Variants in GTPBP10 observed in about 807,000 individuals in gnomAD.
GTPBP10 encodes the protein GTP-binding protein 10.
Under a neutral mutation model 44.8 loss-of-function variants are expected in GTPBP10, and 38 were observed. The ratio of observed to expected loss-of-function variants is 0.85; its 90% confidence interval spans 0.65 to 1.11. The LOEUF (loss-of-function observed/expected upper bound fraction) is 1.11. GTPBP10 is among the 50% of genes most tolerant of loss of function. The pLI is 0.00. For synonymous variants in GTPBP10, 152 were observed against 150.6 expected, an observed-to-expected ratio of 1.01 and a Z score of -0.07; for missense variants, 462 against 453.7, an observed-to-expected ratio of 1.02 and a Z score of -0.17.
rs1488041858 is a variant in GTPBP10, at chr7:90,387,226, C to CTCGGGAGGCTGAGGCAGGAGAATCGCTTG, written c.*2073_*2101dup. 6 of 152,138 alleles carry CTCGGGAGGCTGAGGCAGGAGAATCGCTTG rather than the reference C, an allele frequency of 3.9e-5. No homozygotes were observed. Among genetic ancestry groups the CTCGGGAGGCTGAGGCAGGAGAATCGCTTG allele is most frequent in the Admixed American group, 2.0e-4 (3 of 15,266 alleles). 9.4% of individuals were successfully genotyped at this position (152,138 alleles called of 1,614,324 possible). A position where few individuals can be genotyped will look rare whatever the true frequency, so the allele number is the denominator to read the frequency against. ...TGGCGCATGTCTGTAATCCCAGCTA[C>CTCGGGAGGCTGAGGCAGGAGAATCGCTTG]TCGGGAGGCTGAGGCAGGAGAATCG... On this transcript the variant is annotated 3_prime_UTR_variant, in exon 10 of 10. Transcript: ENST00000222511.
intron 4 of GTPBP10, among the ~76,000 whole-genome samples, chr7:90,361,509 T>G (rs997192085): frequency 2.6e-5 from 4 of 152,206 alleles, no homozygotes; most frequent in Non-Finnish European, 5.9e-5. Context: ...GATAAGCTTT[T>G]TGATGTGCTG....
intron 4 of GTPBP10, among the ~76,000 whole-genome samples, chr7:90,365,880 G>T (rs543385279): frequency 2.0e-5 from 3 of 152,162 alleles, no homozygotes; most frequent in Non-Finnish European, 4.4e-5. Context: ...TTCTTATTCC[G>T]TATGAGATTG....
intron 8 of GTPBP10, among the ~76,000 whole-genome samples, chr7:90,380,210 C>G (rs984225111): frequency 1.3e-5 from 2 of 151,724 alleles, no homozygotes; most frequent in African/African-American, 2.4e-5. Flanking sequence ...TCCCCAGTAG[C>G]TGGGATTACA....
intron 1 of GTPBP10, among the ~76,000 whole-genome samples, chr7:90,347,084 TC>T (rs1247897845): frequency 6.6e-6 from 1 of 152,160 alleles, no homozygotes; most frequent in Non-Finnish European, 1.5e-5. Context: ...TGGTTTTTTT[TC>T]CTTTAATGTC....
rs185326205 is a variant in GTPBP10 at position 90,378,292 on chromosome 7, T to C, written c.777+81T>C. Reference sequence around the variant, plus strand: ...ACTATATGAAATAACATAATTACAGTCTATACATACTCCACCTTTAAAGCT... The same window carrying C: ...ACTATATGAAATAACATAATTACAGCCTATACATACTCCACCTTTAAAGCT... On this transcript the variant is annotated intron_variant, in intron 8 of 9. Coordinates refer to ENST00000222511, the MANE Select transcript of GTPBP10 (RefSeq NM_033107.4). 1.5e-4 allele frequency: 212 copies of C among 1,461,822 alleles called. 1 individual carries two copies. Among genetic ancestry groups the C allele is most frequent in the Non-Finnish European group, 2.3e-5 (25 of 1,081,318 alleles). The allele number at this position is 1,461,822 out of a possible 1,614,324, so 90.6% of individuals were successfully genotyped here.
rs188153775 is a variant in GTPBP10 at position 90,362,485 on chromosome 7, G to A, written c.464+7255G>A. On this transcript the variant is annotated intron_variant, in intron 4 of 9. Coordinates refer to ENST00000222511, the MANE Select transcript of GTPBP10 (RefSeq NM_033107.4). ...TCCTGAGTTCCAATTTGATTGCACT[G>A]TGGTCTGAGAGACAGTTCCTTGTAA... is the stretch of plus-strand genomic sequence containing the variant. Among the ~76,000 whole-genome samples, 163 of 152,320 alleles carry A rather than the reference G, an allele frequency of 1.1e-3. 1 individual carries two copies. Among genetic ancestry groups the A allele is most frequent in the Admixed American group, 0.011 (163 of 15,296 alleles).
chr7:90,382,931 T>C (rs1584649145), intron 8 of GTPBP10, 25 bp from the exon 9 acceptor site: 6 of 1,455,394 alleles, frequency 4.1e-6, no homozygotes, highest in Non-Finnish European at 5.5e-6. Flanking sequence ...ACTAAAATTA[T>C]TGGGTTTTCT....
In GTPBP10 at chr7:90,346,751, T is replaced by C; in HGVS notation, c.10T>C (p.Cys4Arg). The C allele has an allele frequency of 1.9e-6, 3 of 1,614,256 alleles. No homozygotes were observed. Among genetic ancestry groups the C allele is most frequent in the Non-Finnish European group, 2.5e-6 (3 of 1,180,034 alleles). The change falls in exon 1 of 10, where the codon TGC becomes CGC. Residue 4 changes from cysteine (C) to arginine (R), a missense_variant. Transcript: ENST00000222511. MVH[C>R]SCVLFRKYGN... ...CTGGCCTGTTGCAGCCATGGTGCAT[T>C]GCAGTTGCGTGTTGTTCAGAAAGGT...
chr7:90,349,056 A>G (rs1253971342), intron 1 of GTPBP10, among the ~76,000 whole-genome samples: 1 of 152,158 alleles, frequency 6.6e-6, no homozygotes, highest in Admixed American at 6.5e-5. Context: ...CGTTTTTGGC[A>G]TATTCACAGC....
chr7:90,389,789 T>C lies in GTPBP10; in HGVS notation c.*4635T>C, dbSNP rs1194304646. 2 of 152,174 alleles carry C rather than the reference T, an allele frequency of 1.3e-5. No homozygotes were observed. Among genetic ancestry groups the C allele is most frequent in the Non-Finnish European group, 2.9e-5 (2 of 68,036 alleles). The allele number at this position is 152,174 out of a possible 1,614,324, so 9.4% of individuals were successfully genotyped here. A position where few individuals can be genotyped will look rare whatever the true frequency, so the allele number is the denominator to read the frequency against. ...TTAAAGAGATATTTCATATCTGTTCTATTTGTTTAGTTTTATTTATTCTTT... is the reference window on the plus strand; with the variant it reads ...TTAAAGAGATATTTCATATCTGTTCCATTTGTTTAGTTTTATTTATTCTTT... On this transcript the variant is annotated 3_prime_UTR_variant, in exon 10 of 10. Coordinates refer to ENST00000222511, the MANE Select transcript of GTPBP10 (RefSeq NM_033107.4).
At position 90,390,039 on chromosome 7, in the gene GTPBP10, C is replaced by A. The variant is rs1054757069; in HGVS notation, c.*4885C>A. ...CTCCCATCCTCATGGAATCCTCCCA[C>A]TTCAGTCTCTGAAAGTGCTAGGATT... is the stretch of plus-strand genomic sequence containing the variant. On this transcript the variant is annotated 3_prime_UTR_variant, in exon 10 of 10. Coordinates refer to ENST00000222511, the MANE Select transcript of GTPBP10 (RefSeq NM_033107.4). 1 of 152,224 alleles carries A rather than the reference C, an allele frequency of 6.6e-6. No individual in the cohort carries two copies. Among genetic ancestry groups the A allele is most frequent in the Admixed American group, 6.5e-5 (1 of 15,286 alleles). 9.4% of individuals were successfully genotyped at this position (152,224 alleles called of 1,614,324 possible).
At chr7:90,359,153 A>C (rs1328084045) in intron 4 of GTPBP10, among the ~76,000 whole-genome samples, 1 of 152,046 alleles carries the variant, frequency 6.6e-6, no homozygotes, top group Non-Finnish European at 1.5e-5. Flanking sequence ...AACTTAAAAA[A>C]ATTTTTTTTA....
intron 1 of GTPBP10, among the ~76,000 whole-genome samples, chr7:90,349,713 C>A (rs42653): frequency 1.3e-5 from 2 of 152,096 alleles, no homozygotes; most frequent in Admixed American, 6.5e-5. Context: ...CCTGGTGCTC[C>A]CTTCTCTTCC....
At chr7:90,383,968 G>A (rs1196471476) in intron 9 of GTPBP10, among the ~76,000 whole-genome samples, 1 of 152,144 alleles carries the variant, frequency 6.6e-6, no homozygotes, top group Admixed American at 6.6e-5. Context: ...TTACTCATGG[G>A]ATATAAATAT....
chr7:90,363,245 T>C (rs966517849), intron 4 of GTPBP10, among the ~76,000 whole-genome samples: 1 of 152,228 alleles, frequency 6.6e-6, no homozygotes, highest in African/African-American at 2.4e-5. Context: ...GTCTTTACAA[T>C]TTGGCATGTT....
chr7:90,354,323 G>A (rs141076454), intron 2 of GTPBP10, 135 bp from the exon 3 acceptor site: 13 of 415,092 alleles, frequency 3.1e-5, no homozygotes, highest in East Asian at 7.2e-5. Context: ...TTTAAACCCC[G>A]TGTTTGACCA....
chr7:90,381,551 G>GA (rs1183116413), intron 8 of GTPBP10, among the ~76,000 whole-genome samples: 1 of 152,130 alleles, frequency 6.6e-6, no homozygotes, highest in East Asian at 1.9e-4. Flanking sequence ...CACAGAAATA[G>GA]AAAACAAATC....
intron 4 of GTPBP10, among the ~76,000 whole-genome samples, chr7:90,367,983 C>CA (rs1225905128): frequency 6.6e-6 from 1 of 152,228 alleles, no homozygotes; most frequent in Non-Finnish European, 1.5e-5. Flanking sequence ...CTGGTGTTGA[C>CA]AAAATCTCTC....
At chr7:90,359,066 A>G (rs1045707070) in intron 4 of GTPBP10, among the ~76,000 whole-genome samples, 2 of 152,172 alleles carry the variant, frequency 1.3e-5, no homozygotes, top group East Asian at 1.9e-4. Flanking sequence ...TAGAATGGTC[A>G]TTATGGAAAA....
Sources: allele counts gnomAD v4.1 joint callset (sites outside exome capture counted in the v4.1 genomes callset), GRCh38; gene constraint gnomAD v4.1.1; transcripts MANE v1.5; gene names NCBI Gene and HGNC (gene_info 2026-07-23, HGNC 2026-07-21).